The following SLC14A2 variants were observed in gnomAD, a reference collection of about 807,000 sequenced individuals.
SLC14A2 encodes the protein solute carrier family 14 member 2.
Under a neutral mutation model 104.6 loss-of-function variants are expected in SLC14A2, and 91 were observed. That is an observed-to-expected ratio of 0.87 (90% CI 0.73 to 1.04). The LOEUF is 1.04. SLC14A2 is among the 50% of genes least tolerant of loss of function. The pLI, the probability that SLC14A2 is intolerant of heterozygous loss-of-function variation, is 0.00. For synonymous variants in SLC14A2, 476 were observed against 466.4 expected (o/e 1.02, Z -0.27); for missense variants, 1,189 against 1,156.0 (o/e 1.03, Z -0.41).
chr18:45,511,195 A>G (rs1340545498), intron 2 of SLC14A2, among the ~76,000 whole-genome samples: 1 of 152,102 alleles, frequency 6.6e-6, no homozygotes, highest in African/African-American at 2.4e-5. Context: ...TATTTAAAGT[A>G]GCACTTTATT....
intron 1 of SLC14A2, among the ~76,000 whole-genome samples, chr18:45,479,417 T>G (rs2087449967): frequency 6.6e-6 from 1 of 152,168 alleles, no homozygotes; most frequent in South Asian, 2.1e-4. Context: ...TCAAAAGAAC[T>G]TTAACAATGA....
intron 1 of SLC14A2, chr18:45,447,284 A>T: frequency 6.6e-6 from 1 of 152,336 alleles, no homozygotes; most frequent in East Asian, 1.9e-4. Flanking sequence ...GCTAGCATCA[A>T]GGACACCACT....
Position 45,397,807 on chromosome 18 carries a change from C to T in SLC14A2, c.-124-85426C>T, listed in dbSNP as rs138428727. On this transcript the variant is annotated intron_variant, in intron 1 of 20. Coordinates refer to the SLC14A2 transcript ENST00000586448. ...GAATCTCTCTAAGTCATAGTTTCCA[C>T]ATTAGAGATAACAATAGTACCTACC... 3.8e-3 allele frequency among the ~76,000 whole-genome samples: 584 copies of T among 152,142 alleles called. 5 individuals are homozygous for T. Among genetic ancestry groups the T allele is most frequent in the African/African-American group, 0.013 (545 of 41,494 alleles).
chr18:45,578,379 C>T (rs2044443179), intron 2 of SLC14A2, among the ~76,000 whole-genome samples: 1 of 152,180 alleles, frequency 6.6e-6, no homozygotes, highest in South Asian at 2.1e-4. Context: ...TCTTCTTGCC[C>T]TTAATGCCAC....
chr18:45,353,191 TAGA>T (rs1287189831), intron 1 of SLC14A2, among the ~76,000 whole-genome samples: 2 of 152,204 alleles, frequency 1.3e-5, no homozygotes, highest in African/African-American at 2.4e-5. Flanking sequence ...GACTCAAATA[TAGA>T]AGTACGGAGT....
intron 1 of SLC14A2, among the ~76,000 whole-genome samples, chr18:45,246,090 CAATT>C (rs1051123648): frequency 6.6e-6 from 1 of 151,358 alleles, no homozygotes; most frequent in African/African-American, 2.4e-5. Flanking sequence ...TTTAAGGAGA[CAATT>C]AAAGTTCAAT....
At position 45,273,272 on chromosome 18, in the gene SLC14A2, A is replaced by G. The variant is rs150839689; in HGVS notation, c.-125+60081A>G. Reference sequence around the variant, plus strand: ...CATAGCTGTAAGCTCAGCAGTAAAGAGAGAATAATTTTCTCAAAATAGTCC... The same window carrying G: ...CATAGCTGTAAGCTCAGCAGTAAAGGGAGAATAATTTTCTCAAAATAGTCC... On this transcript the variant is annotated intron_variant, in intron 1 of 20. Transcript: ENST00000586448. Among the ~76,000 whole-genome samples the G allele has an allele frequency of 5.3e-3, 806 of 152,292 alleles. 5 individuals carry two copies. The highest frequency in any genetic ancestry group is 8.5e-3 in the Non-Finnish European group (577 of 68,008).
At chr18:45,250,668 C>T (rs912278562) in intron 1 of SLC14A2, among the ~76,000 whole-genome samples, 3 of 151,486 alleles carry the variant, frequency 2.0e-5, no homozygotes, top group East Asian at 1.9e-4. Context: ...GGTGCTGCCC[C>T]GGGATTGAGA....
chr18:45,587,952 AG>A (rs1485369666), intron 2 of SLC14A2, among the ~76,000 whole-genome samples: 2 of 152,122 alleles, frequency 1.3e-5, no homozygotes, highest in Non-Finnish European at 2.9e-5. Context: ...GAACAAACAA[AG>A]TCCAAGATTC....
At chr18:45,651,072 T>G in intron 10 of SLC14A2, among the ~76,000 whole-genome samples, 1 of 152,132 alleles carries the variant, frequency 6.6e-6, no homozygotes, top group Non-Finnish European at 1.5e-5. Flanking sequence ...ATCTTTCCAT[T>G]ACCTGCAGCC....
intron 1 of SLC14A2, among the ~76,000 whole-genome samples, chr18:45,307,309 T>G (rs765103602): frequency 6.6e-6 from 1 of 150,530 alleles, no homozygotes; most frequent in African/African-American, 2.4e-5. Flanking sequence ...TCCCAGCTAC[T>G]TGGGAAGCTG....
chr18:45,361,671 G>T (rs1005921180), intron 1 of SLC14A2, among the ~76,000 whole-genome samples: 2 of 152,180 alleles, frequency 1.3e-5, no homozygotes, highest in Non-Finnish European at 2.9e-5. Context: ...GGGCATAAGA[G>T]CTAGGCTGAC....
chr18:45,461,143 C>A (rs2087037849), intron 1 of SLC14A2, among the ~76,000 whole-genome samples: 1 of 152,192 alleles, frequency 6.6e-6, no homozygotes, highest in Non-Finnish European at 1.5e-5. Context: ...TCTACTCCAC[C>A]TTTCCCATGT....
intron 1 of SLC14A2, among the ~76,000 whole-genome samples, chr18:45,293,020 G>A (rs1201323718): frequency 5.9e-5 from 9 of 151,970 alleles, no homozygotes; most frequent in Non-Finnish European, 1.0e-4. Flanking sequence ...AAGTGACTCC[G>A]TCCATGCTTT....
chr18:45,326,293 A>G lies in SLC14A2; in HGVS notation c.-125+113102A>G, dbSNP rs565986634. Among the ~76,000 whole-genome samples the G allele has an allele frequency of 2.6e-5, 4 of 152,268 alleles. No homozygotes were observed. In the East Asian group the frequency reaches 7.7e-4, roughly 29 times the overall value. On this transcript the variant is annotated intron_variant, in intron 1 of 20. Transcript: ENST00000586448. ...AAGTTTTTCACAGGTTTTACTCATC[A>G]GTCCCAAAATTTGGCTAGGATCCTC...
At chr18:45,606,957 C>T (rs1457872106) in intron 2 of SLC14A2, among the ~76,000 whole-genome samples, 1 of 152,126 alleles carries the variant, frequency 6.6e-6, no homozygotes, top group Non-Finnish European at 1.5e-5. Context: ...GGGCAGGAAT[C>T]ATGTATTTCC....
chr18:45,464,799 C>A (rs2087109816), intron 1 of SLC14A2, among the ~76,000 whole-genome samples: 1 of 152,148 alleles, frequency 6.6e-6, no homozygotes, highest in African/African-American at 2.4e-5. Context: ...TGTGGAGGAG[C>A]AGGCCCTGAG....
chr18:45,214,331 G>A (rs552999589), intron 1 of SLC14A2, among the ~76,000 whole-genome samples: 4 of 152,282 alleles, frequency 2.6e-5, no homozygotes, highest in South Asian at 2.1e-4. Flanking sequence ...GGCAAGTGAC[G>A]TGCATTCTGT....
chr18:45,659,817 T>C (rs1327922312), intron 10 of SLC14A2, among the ~76,000 whole-genome samples: 1 of 152,170 alleles, frequency 6.6e-6, no homozygotes, highest in African/African-American at 2.4e-5. Context: ...ACTTTGTCCA[T>C]TATACTAGTC....
Sources: allele counts gnomAD v4.1 joint callset (sites outside exome capture counted in the v4.1 genomes callset), GRCh38; gene constraint gnomAD v4.1.1; transcripts MANE v1.5; gene names NCBI Gene and HGNC (gene_info 2026-07-23, HGNC 2026-07-21).